The following ZNF500 variants were observed in gnomAD, a reference collection of about 807,000 sequenced individuals.
ZNF500 encodes the protein zinc finger protein with KRAB and SCAN domains 18.
In ZNF500, 31 loss-of-function variants were observed where a neutral mutation model predicts 30.1. That is an observed-to-expected ratio of 1.03 (90% CI 0.77 to 1.39). The LOEUF is 1.39. ZNF500 is among the 40% of genes most tolerant of loss of function. ZNF500 has a pLI of 0.00. For missense variants in ZNF500, 817 were observed against 657.8 expected (o/e 1.24, Z -2.65); for synonymous variants, 392 against 282.0 (o/e 1.39, Z -3.91).
At chr16:4,747,626 C>G (rs1323990549), downstream of ZNF500, 1 of 1,601,330 alleles carries the variant, frequency 6.2e-7, no homozygotes, top group Non-Finnish European at 8.5e-7. Flanking sequence ...GCAACTATAG[C>G]TGCCTCAGGT....
rs1354817329 is a variant in ZNF500, at chr16:4,762,669, G to C, written c.502C>G (p.Leu168Val). 7.4e-6 allele frequency: 12 copies of C among 1,614,104 alleles called. No homozygotes were observed. Among genetic ancestry groups the C allele is most frequent in the Admixed American group, 5.0e-5 (3 of 60,022 alleles). The change falls in exon 3 of 6, where the codon CTG (leucine) becomes GTG (valine). Residue 168 changes from leucine to valine, a missense_variant. Leu to Val is a conservative substitution (Grantham distance 32, BLOSUM62 1). Coordinates refer to ENST00000219478, the MANE Select transcript of ZNF500 (RefSeq NM_021646.4). ...AATCGAGCCTCTTCCTCCAGGGACA[G>C]ATCCTCTGGCTGAGCCTCTGCCTGG... ...KHQAEAQPEDLSLEEEARFSS... is the reference protein window; with the variant it reads ...KHQAEAQPEDVSLEEEARFSS...
At chr16:4,761,307 G>A (rs2082196419) in intron 4 of ZNF500, among the ~76,000 whole-genome samples, 2 of 151,970 alleles carry the variant, frequency 1.3e-5, no homozygotes, top group African/African-American at 4.8e-5. Flanking sequence ...AGGCATGGTG[G>A]TGGGTGCCTG....
At position 4,767,097 on chromosome 16, in the gene ZNF500, G is replaced by C. The variant is rs2082271777; in HGVS notation, c.-179C>G. 1 of 152,358 alleles carries C rather than the reference G, an allele frequency of 6.6e-6. No individual in the cohort carries two copies. The highest frequency in any genetic ancestry group is 2.4e-5 in the African/African-American group (1 of 41,474). 9.4% of individuals were successfully genotyped at this position (152,358 alleles called of 1,614,324 possible). On this transcript the variant is annotated 5_prime_UTR_variant, in exon 1 of 6. Transcript: ENST00000219478. ...GCGGGAGTAGGACTGCGGGCCTCAG[G>C]CTTGGCAGCCAGGGACGCCAGAGCC...
chr16:4,746,697 G>T, downstream of ZNF500: 2 of 874,468 alleles, frequency 2.3e-6, no homozygotes, highest in South Asian at 3.6e-5. Flanking sequence ...AGAGGGGCAT[G>T]AGGCACACCT....
rs144589745 is a variant in ZNF500 at position 4,752,953 on chromosome 16, G to A, written c.866C>T (p.Pro289Leu). ...TGGGGCTGGCCTCTGACCTGGGAGC[G>A]GGTGGCCAGGCCCCTGGCATCGTGC... ...LSARCQGPGH[P>L]LPGQRPAPVR... The change falls in exon 6 of 6, where the codon CCG becomes CTG. Residue 289 changes from proline (P) to leucine (L), a missense_variant. Physicochemically the swap from Pro to Leu is moderately conservative, Grantham distance 98. Transcript: ENST00000219478. 35 of 1,610,426 alleles carry A rather than the reference G, an allele frequency of 2.2e-5. No individual in the cohort carries two copies. The highest frequency in any genetic ancestry group is 2.1e-4 in the African/African-American group (16 of 74,866).
At chr16:4,760,376 G>A (rs2082184372) in intron 5 of ZNF500, 116 bp downstream of exon 5, 7 of 931,442 alleles carry the variant, frequency 7.5e-6, no homozygotes, top group Middle Eastern at 4.4e-4. Flanking sequence ...GGGTAGCCCT[G>A]TCCACGGAGG....
chr16:4,760,918 CA>C (rs1245890300), intron 4 of ZNF500, among the ~76,000 whole-genome samples: 1 of 152,150 alleles, frequency 6.6e-6, no homozygotes, highest in Non-Finnish European at 1.5e-5. Context: ...TAGCCAGCCC[CA>C]GGACCCCATT....
chr16:4,752,541 G>C lies in ZNF500; in HGVS notation c.1278C>G (p.Ala426=), dbSNP rs1358083651. The stretch of plus-strand genomic sequence containing the variant: ...TCTCACCTGTGTGCGTCCGGCGGTG[G>C]GCGCTGAAGTGCGAGCTGTTGTTGA... ...KRFNNSSHFS[A]HRRTHTGEKP... is the part of the protein sequence containing the mutation. The change falls in exon 6 of 6, where the codon GCC becomes GCG. Residue 426 remains alanine, a synonymous_variant. Coordinates refer to ENST00000219478, the MANE Select transcript of ZNF500 (RefSeq NM_021646.4). 1.9e-6 allele frequency: 3 copies of C among 1,567,504 alleles called. No homozygotes were observed. The Admixed American group carries it at 5.6e-5, about 29-fold the overall frequency.
At position 4,763,424 on chromosome 16, in the gene ZNF500, A is replaced by G. The variant is rs1157907558; in HGVS notation, c.415-668T>C. ...AGGGAAGAAAAAAAAAAAAAGAAAA[A>G]AAAAAGAAATTATCAACAGGTGCTC... is the stretch of plus-strand genomic sequence containing the variant. On this transcript the variant is annotated intron_variant, in intron 2 of 5. Coordinates refer to ENST00000219478, the MANE Select transcript of ZNF500 (RefSeq NM_021646.4). Among the ~76,000 whole-genome samples, 3 of 152,056 alleles carry G rather than the reference A, an allele frequency of 2.0e-5. No individual in the cohort carries two copies. In the East Asian group the frequency reaches 5.8e-4, roughly 29 times the overall value.
At position 4,751,271 on chromosome 16, in the gene ZNF500, C is replaced by T; in HGVS notation, c.*1105G>A. 2.9e-6 allele frequency: 1 copy of T among 343,884 alleles called. No individual in the cohort carries two copies. The highest frequency in any genetic ancestry group is 5.4e-6 in the Non-Finnish European group (1 of 184,566). The allele number at this position is 343,884 out of a possible 1,614,324, so 21.3% of individuals were successfully genotyped here. ...TGGCTCCCACGCAGCACAGGCCAGA[C>T]AAAAGCTGGAAGGTGAAGGCTTCTT... is the stretch of plus-strand genomic sequence containing the variant. On this transcript the variant is annotated 3_prime_UTR_variant, in exon 6 of 6. Coordinates refer to ENST00000219478, the MANE Select transcript of ZNF500 (RefSeq NM_021646.4).
chr16:4,755,208 T>A (rs2082123903), intron 5 of ZNF500, among the ~76,000 whole-genome samples: 1 of 152,248 alleles, frequency 6.6e-6, no homozygotes, highest in South Asian at 2.1e-4. Context: ...TTGCCCAGGC[T>A]GGCCTCAAAC....
intron 5 of ZNF500, among the ~76,000 whole-genome samples, chr16:4,754,435 G>A (rs1049311536): frequency 1.3e-5 from 2 of 151,954 alleles, no homozygotes; most frequent in African/African-American, 2.4e-5. Flanking sequence ...CGAGGAAGGC[G>A]GATCACTTGA....
chr16:4,759,545 C>A lies in ZNF500; in HGVS notation c.760+947G>T, dbSNP rs193002413. On this transcript the variant is annotated intron_variant, in intron 5 of 5. Coordinates refer to ENST00000219478, the MANE Select transcript of ZNF500 (RefSeq NM_021646.4). ...CAAAGAAGGAAGTCTGCCTCAAGAC[C>A]GTGGCACAGAAATCCTAAGCTTCCA... is the stretch of plus-strand genomic sequence containing the variant. 7.0e-4 allele frequency among the ~76,000 whole-genome samples: 106 copies of A among 152,228 alleles called. 1 individual carries two copies. The highest frequency in any genetic ancestry group is 1.3e-3 in the Non-Finnish European group (87 of 68,006).
At chr16:4,762,397 C>T in intron 3 of ZNF500, 62 bp from the exon 4 acceptor site, 1 of 1,547,518 alleles carries the variant, frequency 6.5e-7, no homozygotes, top group African/African-American at 1.4e-5. Flanking sequence ...CTGCCGTCCC[C>T]TGCACACCAA....
rs199950483 is a variant in ZNF500 at position 4,762,717 on chromosome 16, T to C, written c.454A>G (p.Ile152Val). The stretch of plus-strand genomic sequence containing the variant: ...TGGTGTTTTAAGAACTGTCCCCCTA[T>C]CCCGAGGGGCACCTCGTCATCAGAA... ...LLSDDEVPLG[I>V]GGQFLKHQAE... The change falls in exon 3 of 6, where the codon ATA becomes GTA. Residue 152 changes from isoleucine (I) to valine (V), a missense_variant. Coordinates refer to ENST00000219478, the MANE Select transcript of ZNF500 (RefSeq NM_021646.4). 26 of 1,612,748 alleles carry C rather than the reference T, an allele frequency of 1.6e-5. No homozygotes were observed. Among genetic ancestry groups the C allele is most frequent in the African/African-American group, 9.3e-5 (7 of 74,942 alleles).
chr16:4,764,990 G>A (rs2082248274), intron 2 of ZNF500, among the ~76,000 whole-genome samples: 1 of 151,710 alleles, frequency 6.6e-6, no homozygotes, highest in Non-Finnish European at 1.5e-5. Flanking sequence ...GAAGGTGCCG[G>A]ACCTCTCTCC....
At chr16:4,745,150 G>A (rs2081998603), downstream of ZNF500, 7 of 1,149,450 alleles carry the variant, frequency 6.1e-6, no homozygotes, top group East Asian at 2.6e-5. Flanking sequence ...TCAGGCAGTC[G>A]CTCCAGTCAT....
downstream of ZNF500, chr16:4,747,659 G>T (rs776916380): frequency 1.3e-5 from 21 of 1,571,734 alleles, no homozygotes; most frequent in Non-Finnish European, 1.7e-5. Context: ...GGAGTGGGCA[G>T]GGGCGGGCTG....
intron 4 of ZNF500, among the ~76,000 whole-genome samples, chr16:4,761,597 GTGCTT>G (rs763804842): frequency 6.6e-6 from 1 of 151,512 alleles, no homozygotes; most frequent in Non-Finnish European, 1.5e-5. Context: ...TGTAATCCCA[GTGCTT>G]TGGGAGACTT....
Sources: allele counts gnomAD v4.1 joint callset (sites outside exome capture counted in the v4.1 genomes callset), GRCh38; gene constraint gnomAD v4.1.1; transcripts MANE v1.5; gene names NCBI Gene and HGNC (gene_info 2026-07-23, HGNC 2026-07-21).